The following TTN variants were observed in gnomAD, a reference collection of about 807,000 sequenced individuals.
TTN encodes titin.
TTN carries 1,525 observed loss-of-function variants against 3,223.0 expected under a neutral mutation model. The ratio of observed to expected loss-of-function variants is 0.47; its 90% CI spans 0.45 to 0.49. The LOEUF (loss-of-function observed/expected upper bound fraction) is 0.49. Among genes scored for constraint, TTN ranks in the 20% least tolerant of loss-of-function variants. The probability of loss-of-function intolerance (pLI) is 0.00; values close to 1 mark genes in which losing one functional copy is unlikely to be tolerated. For synonymous variants in TTN, 14,094 were observed against 15,161.0 expected (o/e 0.93, Z 5.17); for missense variants, 40,786 against 43,424.0 (o/e 0.94, Z 5.40).
Position 178,769,789 on chromosome 2 carries a change from A to G in TTN, c.8792T>C (p.Val2931Ala). The G allele has an allele frequency of 2.5e-6, 4 of 1,614,026 alleles. No homozygotes were observed. The highest frequency in any genetic ancestry group is 3.4e-6 in the Non-Finnish European group (4 of 1,179,996). ...GATCAGCTGATGGAGTTTTCCCTGC[A>G]CAACTATCTTGAACTTTTCACTCAT... Reference protein sequence around the residue: ...IEMSEKFKIVVQGKLHQLIIM... With the variant: ...IEMSEKFKIVAQGKLHQLIIM... Residue 2931 changes from valine to alanine, a missense_variant, in exon 37 of 363, where the codon GTG (valine) becomes GCG (alanine). Val to Ala is a moderately conservative substitution (Grantham distance 64, BLOSUM62 0). Coordinates refer to ENST00000589042, the MANE Select transcript of TTN (RefSeq NM_001267550.2).
intron 9 of TTN, among the ~76,000 whole-genome samples, chr2:178,793,082 T>C (rs1192828921): frequency 6.6e-6 from 1 of 152,214 alleles, no homozygotes; most frequent in Admixed American, 6.5e-5. Flanking sequence ...TCAGCATCTA[T>C]TTCTTCCTCC....
At position 178,568,602 on chromosome 2, in the gene TTN, T is replaced by C. The variant is rs1216073181; in HGVS notation, c.77530A>G (p.Ile25844Val). 6.2e-7 allele frequency: 1 copy of C among 1,613,448 alleles called. No individual in the cohort carries two copies. The change falls in exon 326 of 363, where the codon ATC becomes GTC. Residue 25844 changes from isoleucine to valine, a missense_variant. Ile to Val is a conservative substitution (Grantham distance 29). Coordinates refer to ENST00000589042, the MANE Select transcript of TTN (RefSeq NM_001267550.2). ...AGATCCAGTGAATCGGTAACATTGATTCTTGTGGTCTGCTTCAGTGGGAGA... is the reference window on the plus strand; with the variant it reads ...AGATCCAGTGAATCGGTAACATTGACTCTTGTGGTCTGCTTCAGTGGGAGA... The part of the protein sequence containing the change: ...DGLPLKQTTR[I>V]NVTDSLDLTT...
In TTN at chr2:178,633,566, C is replaced by A. The variant is rs758416170; in HGVS notation, c.42793G>T (p.Asp14265Tyr). 6.2e-7 allele frequency: 1 copy of A among 1,613,414 alleles called. No homozygotes were observed. Among genetic ancestry groups the A allele is most frequent in the East Asian group, 2.2e-5 (1 of 44,738 alleles). ...GGTGAAGGGACAATCTCTTCACCAT[C>A]TTTGAACCATTTCACTGGTACATCT... ...SKDVPVKWFK[D>Y]GEEIVPSPKY... Residue 14265 changes from aspartate (D) to tyrosine (Y), a missense_variant, in exon 232 of 363, where the codon GAT becomes TAT. Asp to Tyr is a radical substitution (Grantham distance 160). Transcript: ENST00000589042.
At position 178,695,345 on chromosome 2, in the gene TTN, T is replaced by G; in HGVS notation, c.31270+3A>C. 3.1e-6 allele frequency: 5 copies of G among 1,609,478 alleles called. No homozygotes were observed. The highest frequency in any genetic ancestry group is 2.7e-5 in the African/African-American group (2 of 74,938). ...GTCTATTTAAATATTTCTAATTACT[T>G]ACCTTTAGGAGGTGGTGGTGCTTTC... On this transcript the variant is annotated splice_donor_region_variant and intron_variant, in intron 115 of 362. Coordinates refer to ENST00000589042, the MANE Select transcript of TTN (RefSeq NM_001267550.2).
chr2:178,672,783 A>G, intron 152 of TTN, 80 bp from the exon 153 acceptor site: 1 of 1,178,620 alleles, frequency 8.5e-7, no homozygotes, highest in Non-Finnish European at 1.2e-6. Flanking sequence ...GACAACGCCA[A>G]CATTACAATA....
chr2:178,625,184 T>C, intron 241 of TTN, 89 bp downstream of exon 241: 3 of 1,458,858 alleles, frequency 2.1e-6, no homozygotes, highest in Non-Finnish European at 2.8e-6. Context: ...TAAACATCTA[T>C]AGTACTCATC....
rs1196596100 is a variant in TTN, at chr2:178,756,504, C to T, written c.10972G>A (p.Glu3658Lys). 3 of 1,613,808 alleles carry T rather than the reference C, an allele frequency of 1.9e-6. No homozygotes were observed. The East Asian group carries it at 6.7e-5, about 36-fold the overall frequency. Residue 3658 changes from glutamate (E) to lysine (K), a missense_variant, in exon 46 of 363, where the codon GAG becomes AAG. Coordinates refer to ENST00000589042, the MANE Select transcript of TTN (RefSeq NM_001267550.2). ...SKECAKESTG[E>K]APKIFLHLQD... ...AGATGCAGGAAAATCTTGGGCGCCT[C>T]ACCCGTGGACTCTTTAGCACATTCC...
rs537705563 is a variant in TTN at position 178,574,733 on chromosome 2, C to T, written c.71399G>A (p.Arg23800His). 41 of 1,612,966 alleles carry T rather than the reference C, an allele frequency of 2.5e-5. No individual in the cohort carries two copies. Among genetic ancestry groups the T allele is most frequent in the African/African-American group, 2.0e-4 (15 of 74,876 alleles). Residue 23800 changes from arginine to histidine, a missense_variant, in exon 326 of 363, where the codon CGT becomes CAT. By Grantham distance (29) the Arg-to-His change is conservative. Transcript: ENST00000589042. ...RLTTGLEYQF[R>H]VKAQNRYGVG... ...TCCATATCTATTCTGAGCTTTTACA[C>T]GGAACTGATACTCTAATCCAGTAGT...
chr2:178,768,673 C>T lies in TTN; in HGVS notation c.9163G>A (p.Ala3055Thr). 1 of 1,614,002 alleles carries T rather than the reference C, an allele frequency of 6.2e-7. No individual in the cohort carries two copies. Among genetic ancestry groups the T allele is most frequent in the Non-Finnish European group, 8.5e-7 (1 of 1,179,990 alleles). ...ATSTATLYVEARHIEFRKHIK... is the reference protein window; with the variant it reads ...ATSTATLYVETRHIEFRKHIK... Reference sequence around the variant, plus strand: ...GGATCTAATATGTATGAAACCATACCTTCCACATAAAGTGTGGCTGTTGAT... The same window carrying T: ...GGATCTAATATGTATGAAACCATACTTTCCACATAAAGTGTGGCTGTTGAT... The change falls in exon 38 of 363, where the codon GCT becomes ACT. Residue 3055 changes from alanine (A) to threonine (T), a missense_variant and splice_region_variant. Ala to Thr is a moderately conservative substitution (Grantham distance 58). Transcript: ENST00000589042.
Position 178,704,393 on chromosome 2 carries a change from G to T in TTN, c.29977C>A (p.Arg9993=), listed in dbSNP as rs375415014. The change falls in exon 106 of 363, where the codon CGG becomes AGG. Residue 9993 remains arginine (R), a synonymous_variant. Transcript: ENST00000589042. ...KLTVIEPAWE[R]HLQDVTLKEG... is the part of the protein sequence containing the mutation. The stretch of plus-strand genomic sequence containing the variant: ...TTCAGAGTCACATCCTGAAGATGCC[G>T]TTCCCATGCAGGCTCTGTTCATGTG... 7.4e-6 allele frequency: 12 copies of T among 1,613,322 alleles called. 1 individual carries two copies. The South Asian group carries it at 1.3e-4, about 18-fold the overall frequency.
Position 178,563,167 on chromosome 2 carries a change from AC to A in TTN, c.82964del (p.Gly27655ValfsTer16). Reference protein sequence around the residue: ...RICAINSEGVGEPATLPGSVV... With the variant: ...RICAINSEGVXEPATLPGSVV... ...CTGAGCCAGGTAGAGTTGCAGGTTCACCTACACCTTCAGAATTGATGGCACA... is the reference window on the plus strand; with the variant it reads ...CTGAGCCAGGTAGAGTTGCAGGTTCACTACACCTTCAGAATTGATGGCACA... On this transcript the variant is annotated frameshift_variant, in exon 326 of 363. Coordinates refer to ENST00000589042, the MANE Select transcript of TTN (RefSeq NM_001267550.2). LOFTEE classifies it high-confidence loss of function. The surrounding 1 kb of genome is among the most constrained non-coding windows in gnomAD (Gnocchi z 4.5). 1 of 1,613,730 alleles carries A rather than the reference AC, an allele frequency of 6.2e-7. No homozygotes were observed. The highest frequency in any genetic ancestry group is 8.5e-7 in the Non-Finnish European group (1 of 1,179,722).
intron 28 of TTN, 69 bp from the exon 29 acceptor site, chr2:178,775,271 T>C: frequency 1.9e-6 from 3 of 1,612,298 alleles, no homozygotes; most frequent in South Asian, 1.1e-5. Context: ...ACCTGAGGAA[T>C]GGGGAAAGAA....
chr2:178,646,623 A>G (rs550042943), intron 215 of TTN, 64 bp from the exon 216 acceptor site: 11 of 900,086 alleles, frequency 1.2e-5, no homozygotes, highest in African/African-American at 8.3e-5. Context: ...AGACTCATAC[A>G]AATTTCACAT....
rs923904530 is a variant in TTN, at chr2:178,750,460, A to G, written c.11311+2664T>C. On this transcript the variant is annotated intron_variant, in intron 47 of 362. Transcript: ENST00000589042. ...TTTGATTACGTGGGATTGGCATGTCATTGTTATACCACGTCACTATAGGTT... is the reference window on the plus strand; with the variant it reads ...TTTGATTACGTGGGATTGGCATGTCGTTGTTATACCACGTCACTATAGGTT... 58 of 1,612,802 alleles carry G rather than the reference A, an allele frequency of 3.6e-5. 1 individual carries two copies. In the Middle Eastern group the frequency reaches 1.6e-3, roughly 46 times the overall value.
chr2:178,593,433 G>T lies in TTN; in HGVS notation c.58775C>A (p.Thr19592Asn), dbSNP rs745441183. ...CCAGGTTACTAATGCAGAGTCTTTG[G>T]TAACTTCTGTAACAATTGGCTGATC... ...APDQPIVTEV[T>N]KDSALVTWNK... is the part of the protein sequence containing the mutation. Residue 19592 changes from threonine (T) to asparagine (N), a missense_variant, in exon 299 of 363, where the codon ACC becomes AAC. Physicochemically the swap from Thr to Asn is moderately conservative, Grantham distance 65. Coordinates refer to ENST00000589042, the MANE Select transcript of TTN (RefSeq NM_001267550.2). 3.1e-6 allele frequency: 5 copies of T among 1,612,928 alleles called. No individual in the cohort carries two copies. In the African/African-American group the frequency reaches 4.0e-5, roughly 13 times the overall value.
Position 178,731,037 on chromosome 2 carries a change from T to A in TTN, c.17628A>T (p.Thr5876=). The A allele has an allele frequency of 6.2e-7, 1 of 1,613,710 alleles. No homozygotes were observed. Among genetic ancestry groups the A allele is most frequent in the South Asian group, 1.1e-5 (1 of 91,074 alleles). Residue 5876 remains threonine, a synonymous_variant, in exon 60 of 363, where the codon ACA becomes ACT. Transcript: ENST00000589042. ...GSKYKISVTD[T]VSILKIISTE... Reference sequence around the variant, plus strand: ...TAGAAATAATCTTCAGTATTGAGACTGTATCAGTGACACTGATTTTATATT... The same window carrying A: ...TAGAAATAATCTTCAGTATTGAGACAGTATCAGTGACACTGATTTTATATT...
rs2055057176 is a variant in TTN at position 178,607,031 on chromosome 2, A to T, written c.53571T>A (p.Val17857=). 10 of 1,608,302 alleles carry T rather than the reference A, an allele frequency of 6.2e-6. No individual in the cohort carries two copies. Among genetic ancestry groups the T allele is most frequent in the Non-Finnish European group, 8.5e-6 (10 of 1,178,194 alleles). The change falls in exon 278 of 363, where the codon GTT becomes GTA. Residue 17857 remains valine, a synonymous_variant. Coordinates refer to ENST00000589042, the MANE Select transcript of TTN (RefSeq NM_001267550.2). The part of the protein sequence containing the change: ...PPVEIGPILA[V]DPLGPPTSPE... ...AACCTTCTCTTTTACCTAGTGGATCAACTGCAAGAATTGGTCCTATTTCAA... is the reference window on the plus strand; with the variant it reads ...AACCTTCTCTTTTACCTAGTGGATCTACTGCAAGAATTGGTCCTATTTCAA...
At position 178,715,090 on chromosome 2, in the gene TTN, C is replaced by T. The variant is rs1311071697; in HGVS notation, c.26096G>A (p.Ser8699Asn). ...AGCATCGACATTCAGGATGTGGATA[C>T]TGGTTAGGAAGTTCTCAGACATTAT... ...YKIMSENFLT[S>N]IHILNVDAAD... Residue 8699 changes from serine to asparagine, a missense_variant, in exon 90 of 363, where the codon AGT (serine) becomes AAT (asparagine). Transcript: ENST00000589042. 1.1e-5 allele frequency: 18 copies of T among 1,613,726 alleles called. No homozygotes were observed. Among genetic ancestry groups the T allele is most frequent in the Non-Finnish European group, 1.5e-5 (18 of 1,179,694 alleles).
Position 178,799,780 on chromosome 2 carries a change from C to T in TTN, c.669+45G>A, listed in dbSNP as rs141727821. 78 of 1,614,104 alleles carry T rather than the reference C, an allele frequency of 4.8e-5. No homozygotes were observed. In the African/African-American group the frequency reaches 5.1e-4, roughly 10 times the overall value. ...CACGTTGAGGAGGAATAGCTGGGGA[C>T]GCAACAGCCTGAAAGGCTTGAAAAC... On this transcript the variant is annotated intron_variant, in intron 5 of 362. Transcript: ENST00000589042.
Sources: gnomAD v4.1 joint callset for allele counts (sites outside exome capture counted in the v4.1 genomes callset) on GRCh38, gnomAD v4.1.1 for gene constraint, Gnocchi (gnomAD v3.1) non-coding constraint, MANE v1.5 for transcripts, NCBI Gene and HGNC (gene_info 2026-07-23, HGNC 2026-07-21) for gene names.